GLIS3: variants seen among roughly 807,000 people sequenced by gnomAD.
GLIS3 encodes the protein zinc finger protein GLIS3.
GLIS3 carries 53 observed loss-of-function variants against 78.6 expected under a neutral mutation model. The ratio of observed to expected loss-of-function variants is 0.67; its 90% CI spans 0.54 to 0.85. GLIS3 has a LOEUF of 0.85. Ranked by LOEUF, GLIS3 falls within the 40% of genes least tolerant of loss-of-function variation. The probability of loss-of-function intolerance (pLI) is 0.00; values close to 1 mark genes in which losing one functional copy is unlikely to be tolerated. For synonymous variants in GLIS3, 684 were observed against 509.9 expected, an observed-to-expected ratio of 1.34 and a Z score of -4.60; for missense variants, 1,703 against 1,231.1, an observed-to-expected ratio of 1.38 and a Z score of -5.74.
intron 6 of GLIS3, 61 bp downstream of exon 6, chr9:3,932,299 T>C: frequency 4.7e-6 from 6 of 1,289,124 alleles, no homozygotes; most frequent in Admixed American, 1.7e-5. Flanking sequence ...AGAAGCTTCG[T>C]GTACTACAAG....
the GLIS3 span, among the ~76,000 whole-genome samples, chr9:4,359,362 C>G: frequency 3.9e-5 from 6 of 152,148 alleles, no homozygotes; most frequent in African/African-American, 9.7e-5. Flanking sequence ...CTTTTGGAAT[C>G]ACTGTCCTTA....
intron 2 of GLIS3, among the ~76,000 whole-genome samples, chr9:4,195,389 G>C (rs917109114): frequency 6.6e-6 from 1 of 152,322 alleles, no homozygotes; most frequent in South Asian, 2.1e-4. Context: ...CCCCACACTC[G>C]GAGAGGCCAG....
chr9:4,163,133 G>A (rs1395677506), intron 2 of GLIS3, among the ~76,000 whole-genome samples: 2 of 152,190 alleles, frequency 1.3e-5, no homozygotes, highest in African/African-American at 4.8e-5. Flanking sequence ...AAGAGATAAA[G>A]CAATCAGCTC....
intron 4 of GLIS3, among the ~76,000 whole-genome samples, chr9:4,076,063 T>C (rs948623962): frequency 6.6e-6 from 1 of 152,168 alleles, no homozygotes. Flanking sequence ...TTCACAAGGG[T>C]ACACATTGGT....
rs560614098 is a variant in GLIS3 at position 4,118,405 on chromosome 9, C to A, written c.1073G>T (p.Cys358Phe). The change falls in exon 4 of 11, where the codon TGC (cysteine) becomes TTC (phenylalanine). Residue 358 changes from cysteine to phenylalanine, a missense_variant. Coordinates refer to ENST00000381971, the MANE Select transcript of GLIS3 (RefSeq NM_001042413.2). The surrounding 1 kb of genome is among the most constrained non-coding windows in gnomAD (Gnocchi z 4.7). ...YGHFLGVRGSCIPQPRPVPGS... is the reference protein window; with the variant it reads ...YGHFLGVRGSFIPQPRPVPGS... ...GGGCACCGGGCGCGGCTGGGGAATGCAGCTGCCGCGCACGCCCAGGAAATG... is the reference window on the plus strand; with the variant it reads ...GGGCACCGGGCGCGGCTGGGGAATGAAGCTGCCGCGCACGCCCAGGAAATG... 7.6e-5 allele frequency: 122 copies of A among 1,606,346 alleles called. 1 individual carries two copies. The South Asian group carries it at 1.2e-3, about 15-fold the overall frequency.
intron 4 of GLIS3, among the ~76,000 whole-genome samples, chr9:4,046,581 C>G (rs1042834828): frequency 2.0e-5 from 3 of 152,188 alleles, no homozygotes; most frequent in Non-Finnish European, 4.4e-5. Flanking sequence ...ATAAGTTGTA[C>G]TTAATGTGCA....
chr9:3,884,318 G>A lies in GLIS3; in HGVS notation c.2129-4723C>T, dbSNP rs1215232971. Among the ~76,000 whole-genome samples the A allele has an allele frequency of 5.3e-5, 8 of 152,158 alleles. No homozygotes were observed. In the South Asian group the frequency reaches 6.2e-4, roughly 12 times the overall value. ...TGTCTCAGGCCATCACCAGAGCGGA[G>A]GAAGGCTACTATAGGCATTGCTTGG... On this transcript the variant is annotated intron_variant, in intron 7 of 10. Coordinates refer to ENST00000381971, the MANE Select transcript of GLIS3 (RefSeq NM_001042413.2).
the GLIS3 span, among the ~76,000 whole-genome samples, chr9:4,353,478 G>C: frequency 6.6e-6 from 1 of 152,158 alleles, no homozygotes; most frequent in Non-Finnish European, 1.5e-5. Context: ...ATTGTCTCTG[G>C]ACTCAGCCCA....
chr9:3,847,747 G>C (rs1024822611), intron 9 of GLIS3, among the ~76,000 whole-genome samples: 22 of 152,164 alleles, frequency 1.4e-4, no homozygotes, highest in African/African-American at 5.1e-4. Flanking sequence ...ATTAACTTTT[G>C]TTTTTTAGAA....
At chr9:3,834,950 T>A (rs111631039) in intron 9 of GLIS3, among the ~76,000 whole-genome samples, 1 of 152,168 alleles carries the variant, frequency 6.6e-6, no homozygotes, top group South Asian at 2.1e-4. Flanking sequence ...TAGCTCTCCA[T>A]GTGCACCAGG....
chr9:4,043,026 G>T (rs139482104), intron 4 of GLIS3, among the ~76,000 whole-genome samples: 2 of 151,650 alleles, frequency 1.3e-5, no homozygotes, highest in East Asian at 1.9e-4. Context: ...CAAAAGAAAT[G>T]GCTATTCTTC....
Position 4,076,018 on chromosome 9 carries a change from A to T in GLIS3, c.1710+41750T>A, listed in dbSNP as rs534478885. ...GAAAAAATTAGTACTTTGTGAGGTG[A>T]TGGAAATGTTCCATATATTGACTGT... On this transcript the variant is annotated intron_variant, in intron 4 of 10. Coordinates refer to ENST00000381971, the MANE Select transcript of GLIS3 (RefSeq NM_001042413.2). 9.8e-5 allele frequency among the ~76,000 whole-genome samples: 15 copies of T among 152,326 alleles called. 1 individual carries two copies. In the East Asian group the frequency reaches 2.1e-3, roughly 22 times the overall value.
chr9:4,348,841 T>C (rs1014596796), upstream of GLIS3, among the ~76,000 whole-genome samples: 1 of 152,172 alleles, frequency 6.6e-6, no homozygotes, highest in African/African-American at 2.4e-5. Flanking sequence ...TAAATGTGCA[T>C]AGAAAATACG....
chr9:3,980,716 G>T (rs1819194524), intron 4 of GLIS3, among the ~76,000 whole-genome samples: 1 of 152,202 alleles, frequency 6.6e-6, no homozygotes, highest in African/African-American at 2.4e-5. Flanking sequence ...TAAATACAAG[G>T]TAAAGGTTTT....
the GLIS3 span, among the ~76,000 whole-genome samples, chr9:4,450,686 C>T: frequency 3.3e-5 from 5 of 152,110 alleles, no homozygotes; most frequent in African/African-American, 1.2e-4. Flanking sequence ...AGAGTGGGGG[C>T]CAATATTCGA....
intron 2 of GLIS3, among the ~76,000 whole-genome samples, chr9:4,145,995 C>T (rs1834196631): frequency 6.6e-6 from 1 of 152,152 alleles, no homozygotes; most frequent in African/African-American, 2.4e-5. Flanking sequence ...AGACAAAGCA[C>T]AACATTCATA....
the GLIS3 span, among the ~76,000 whole-genome samples, chr9:4,397,778 G>GA: frequency 2.5e-4 from 37 of 150,930 alleles, no homozygotes; most frequent in African/African-American, 8.1e-4. Flanking sequence ...AAGGAGAGGA[G>GA]GGGAGGGGAG....
intron 4 of GLIS3, among the ~76,000 whole-genome samples, chr9:3,969,526 C>A (rs1818218125): frequency 6.6e-6 from 1 of 152,188 alleles, no homozygotes; most frequent in Non-Finnish European, 1.5e-5. Context: ...TAATCAAGAT[C>A]AATTTCATGA....
intron 4 of GLIS3, among the ~76,000 whole-genome samples, chr9:4,041,684 T>C (rs1824823277): frequency 1.3e-5 from 2 of 152,194 alleles, no homozygotes; most frequent in African/African-American, 4.8e-5. Flanking sequence ...CTCTGGAATC[T>C]AACGTCACAA....
Sources: allele counts gnomAD v4.1 joint callset (sites outside exome capture counted in the v4.1 genomes callset), GRCh38; gene constraint gnomAD v4.1.1; non-coding constraint Gnocchi (gnomAD v3.1); transcripts MANE v1.5; gene names NCBI Gene and HGNC (gene_info 2026-07-23, HGNC 2026-07-21).